NINL: variants seen among roughly 807,000 people sequenced by gnomAD.
NINL encodes ninein-like protein.
Under a neutral mutation model 160.3 loss-of-function variants are expected in NINL, and 153 were observed. That is an observed-to-expected ratio of 0.95 (90% CI 0.84 to 1.09). The LOEUF (loss-of-function observed/expected upper bound fraction) is 1.09, where lower values mean the gene tolerates loss of function less well. Among genes scored for constraint, NINL ranks in the 50% least tolerant of loss-of-function variants. NINL has a pLI of 0.00. For missense variants in NINL, 1,829 were observed against 1,764.0 expected (o/e 1.04, Z -0.66); for synonymous variants, 800 against 734.8 (o/e 1.09, Z -1.43).
At chr20:25,549,719 A>C (rs534145258) in intron 1 of NINL, among the ~76,000 whole-genome samples, 12 of 152,268 alleles carry the variant, frequency 7.9e-5, no homozygotes, top group Non-Finnish European at 1.5e-4. Flanking sequence ...CGGAAAGCCC[A>C]CTCGGACCTT....
In NINL at chr20:25,512,827, G is replaced by T; in HGVS notation, c.450+7C>A. 6.2e-7 allele frequency: 1 copy of T among 1,605,198 alleles called. No individual in the cohort carries two copies. On this transcript the variant is annotated splice_region_variant and intron_variant, in intron 4 of 23. Coordinates refer to ENST00000278886, the MANE Select transcript of NINL (RefSeq NM_025176.6). ...GGCAGCTGGGGTGGGAGAGGGGCCT[G>T]ACCCACCTCCACGCTCTCCAGAGAC...
intron 1 of NINL, among the ~76,000 whole-genome samples, chr20:25,537,161 G>T (rs2064572178): frequency 6.6e-6 from 1 of 152,100 alleles, no homozygotes; most frequent in Admixed American, 6.5e-5. Flanking sequence ...ACGGCTCACT[G>T]CATCCTCAAC....
Position 25,453,585 on chromosome 20 carries a change from G to A in NINL, c.4015C>T (p.His1339Tyr), listed in dbSNP as rs147951975. 2.2e-5 allele frequency: 35 copies of A among 1,613,876 alleles called. No individual in the cohort carries two copies. The highest frequency in any genetic ancestry group is 3.0e-5 in the Non-Finnish European group (35 of 1,179,976). ...GTGGCCTGAAGTGCTCTCACCAGGT[G>A]GGCGTTCTCCACGTACAGCTCCTTC... ...LLKELYVENA[H>Y]LVRALQATEE... The change falls in exon 24 of 24, where the codon CAC (histidine) becomes TAC (tyrosine). Residue 1339 changes from histidine (H) to tyrosine (Y), a missense_variant. Transcript: ENST00000278886.
intron 1 of NINL, among the ~76,000 whole-genome samples, chr20:25,536,494 T>C (rs1425134624): frequency 6.6e-6 from 1 of 152,218 alleles, no homozygotes; most frequent in Non-Finnish European, 1.5e-5. Flanking sequence ...GTGGATCACT[T>C]GAGGTCAGGA....
At chr20:25,475,926 G>A in intron 17 of NINL, 117 bp downstream of exon 17, 1 of 1,071,216 alleles carries the variant, frequency 9.3e-7, no homozygotes, top group Non-Finnish European at 1.3e-6. Flanking sequence ...CCCCATCAGG[G>A]GCTGCGAGCT....
rs557115746 is a variant in NINL, at chr20:25,521,265, G to C, written c.181-3416C>G. On this transcript the variant is annotated intron_variant, in intron 2 of 23. Coordinates refer to ENST00000278886, the MANE Select transcript of NINL (RefSeq NM_025176.6). Reference sequence around the variant, plus strand: ...TAAATTTTGGTGATCATACTTTTCAGTTCTAGACATTTTATTTGGTTCATT... The same window carrying C: ...TAAATTTTGGTGATCATACTTTTCACTTCTAGACATTTTATTTGGTTCATT... Among the ~76,000 whole-genome samples, 12 of 152,210 alleles carry C rather than the reference G, an allele frequency of 7.9e-5. No individual in the cohort carries two copies. In the South Asian group the frequency reaches 2.5e-3, roughly 32 times the overall value.
chr20:25,557,786 A>G (rs953575333), intron 1 of NINL, among the ~76,000 whole-genome samples: 116 of 152,278 alleles, frequency 7.6e-4, no homozygotes, highest in African/African-American at 2.7e-3. Flanking sequence ...AGATGTATAA[A>G]AAGTAAAGAG....
At chr20:25,475,417 C>T (rs1475826233) in intron 17 of NINL, among the ~76,000 whole-genome samples, 1 of 152,196 alleles carries the variant, frequency 6.6e-6, no homozygotes, top group African/African-American at 2.4e-5. Context: ...TGAGGCATTA[C>T]TTGATACCAA....
At chr20:25,554,451 A>T (rs2064840485) in intron 1 of NINL, among the ~76,000 whole-genome samples, 1 of 152,126 alleles carries the variant, frequency 6.6e-6, no homozygotes, top group Admixed American at 6.5e-5. Context: ...ACAGAATGGC[A>T]ATCTGCATAC....
intron 19 of NINL, among the ~76,000 whole-genome samples, chr20:25,466,417 G>C (rs1457049913): frequency 6.6e-6 from 1 of 152,192 alleles, no homozygotes; most frequent in Non-Finnish European, 1.5e-5. Context: ...TGGCAATGCG[G>C]ATAACAGTTG....
At chr20:25,569,382 C>T (rs1000128040) in intron 1 of NINL, among the ~76,000 whole-genome samples, 4 of 152,126 alleles carry the variant, frequency 2.6e-5, no homozygotes, top group East Asian at 3.9e-4. Context: ...GGAGTTTATA[C>T]GTGTTTTTAT....
At chr20:25,495,006 TCA>T (rs1208047096) in intron 10 of NINL, among the ~76,000 whole-genome samples, 5 of 152,178 alleles carry the variant, frequency 3.3e-5, no homozygotes, top group Non-Finnish European at 7.4e-5. Context: ...GCTCCAGGAC[TCA>T]GTTTGTTTGG....
intron 1 of NINL, among the ~76,000 whole-genome samples, chr20:25,527,142 C>G (rs2064374839): frequency 6.6e-6 from 1 of 151,864 alleles, no homozygotes; most frequent in South Asian, 2.1e-4. Flanking sequence ...ATATTTTGAC[C>G]AGCATACAAT....
intron 1 of NINL, among the ~76,000 whole-genome samples, chr20:25,533,901 A>T (rs1472715400): frequency 1.3e-5 from 2 of 152,234 alleles, no homozygotes; most frequent in Non-Finnish European, 2.9e-5. Flanking sequence ...AAGCTTCATG[A>T]TGTTGGATTT....
intron 19 of NINL, among the ~76,000 whole-genome samples, chr20:25,464,507 C>G (rs541930239): frequency 9.8e-5 from 15 of 152,304 alleles, no homozygotes; most frequent in South Asian, 6.2e-4. Context: ...ACTAGAACAT[C>G]ACCAGGGAAA....
chr20:25,510,825 T>C (rs551798481), intron 4 of NINL, 85 bp from the exon 5 acceptor site: 11 of 1,041,638 alleles, frequency 1.1e-5, no homozygotes, highest in African/African-American at 1.6e-5. Context: ...AGCAGGATGT[T>C]TGGGGAAGTG....
In NINL at chr20:25,476,439, G is replaced by T; in HGVS notation, c.2852C>A (p.Ser951Ter). 6.2e-7 allele frequency: 1 copy of T among 1,608,974 alleles called. No homozygotes were observed. ...LPLLGTERDA[S>*]QTQPRMWEPP... ...CTCCCACATCCGTGGCTGGGTTTGC[G>T]AGGCGTCTCTCTCTGTTCCCAGCAG... Residue 951 changes from serine (S) to a stop codon, truncating the protein, a stop_gained, in exon 17 of 24, where the codon TCG becomes TAG. Coordinates refer to ENST00000278886, the MANE Select transcript of NINL (RefSeq NM_025176.6). LOFTEE classifies it high-confidence loss of function.
intron 19 of NINL, among the ~76,000 whole-genome samples, chr20:25,463,823 C>T (rs973014593): frequency 5.3e-5 from 8 of 152,196 alleles, no homozygotes; most frequent in Non-Finnish European, 7.3e-5. Context: ...AGGGAGTCCA[C>T]GCATTTTTCT....
rs115910268 is a variant in NINL at position 25,502,948 on chromosome 20, C to T, written c.861+1004G>A. Among the ~76,000 whole-genome samples the T allele has an allele frequency of 3.3e-5, 5 of 152,340 alleles. No individual in the cohort carries two copies. In the South Asian group the frequency reaches 8.3e-4, roughly 25 times the overall value. ...AGTCTCAAGTATTCCTTTAGCAATG[C>T]GAGAACAGACTAACACAGAAACATT... On this transcript the variant is annotated intron_variant, in intron 7 of 23. Transcript: ENST00000278886.
Sources: gnomAD v4.1 joint callset for allele counts (sites outside exome capture counted in the v4.1 genomes callset) on GRCh38, gnomAD v4.1.1 for gene constraint, MANE v1.5 for transcripts, NCBI Gene and HGNC (gene_info 2026-07-23, HGNC 2026-07-21) for gene names.